DBT: variants seen among roughly 807,000 people sequenced by gnomAD.
DBT encodes the protein dihydrolipoamide branched chain transacylase E2, also known as lipoamide acyltransferase component of branched-chain alpha-keto acid dehydrogenase complex, mitochondrial.
A neutral mutation model predicts 51.3 loss-of-function variants in DBT; 40 were observed. That is an observed-to-expected ratio of 0.78 (90% CI 0.61 to 1.02). The LOEUF (loss-of-function observed/expected upper bound fraction) is 1.02. Among genes scored for constraint, DBT ranks in the 50% least tolerant of loss-of-function variants. The pLI, the probability that DBT is intolerant of heterozygous loss-of-function variation, is 0.00. For missense variants in DBT, 510 were observed against 580.2 expected (o/e 0.88, Z 1.24); for synonymous variants, 181 against 190.4 (o/e 0.95, Z 0.41).
intron 3 of DBT, among the ~76,000 whole-genome samples, chr1:100,233,765 T>C (rs560955921): frequency 6.6e-6 from 1 of 152,340 alleles, no homozygotes; most frequent in Admixed American, 6.5e-5. Context: ...ACTCACATTC[T>C]GTATTTGTCC....
intron 4 of DBT, among the ~76,000 whole-genome samples, chr1:100,226,632 C>A (rs1316807456): frequency 2.0e-5 from 3 of 152,044 alleles, no homozygotes; most frequent in Non-Finnish European, 2.9e-5. Context: ...TAGGAAGCAC[C>A]CCTAACGCCC....
intron 4 of DBT, among the ~76,000 whole-genome samples, chr1:100,227,234 C>T (rs1271832517): frequency 2.0e-5 from 3 of 152,152 alleles, no homozygotes; most frequent in African/African-American, 4.8e-5. Flanking sequence ...ACCATAACGT[C>T]GTTATGCGAC....
At chr1:100,242,490 T>C (rs1664282289) in intron 1 of DBT, among the ~76,000 whole-genome samples, 1 of 152,182 alleles carries the variant, frequency 6.6e-6, no homozygotes, top group African/African-American at 2.4e-5. Context: ...CTTAAATCAT[T>C]CATCTTAACT....
intron 4 of DBT, among the ~76,000 whole-genome samples, chr1:100,221,619 T>C (rs1662862594): frequency 6.6e-6 from 1 of 152,206 alleles, no homozygotes; most frequent in Non-Finnish European, 1.5e-5. Flanking sequence ...CATCACAGTC[T>C]AATATGTGAG....
In DBT at chr1:100,189,933, C is replaced by T. The variant is rs1356623034; in HGVS notation, c.*6322G>A. Reference sequence around the variant, plus strand: ...GTATGGTGCTATAAGCCACATGTAGCTATTTAAATTTAAATTTAATTAGTG... The same window carrying T: ...GTATGGTGCTATAAGCCACATGTAGTTATTTAAATTTAAATTTAATTAGTG... On this transcript the variant is annotated 3_prime_UTR_variant, in exon 11 of 11. Transcript: ENST00000370132. 1 of 151,860 alleles carries T rather than the reference C, an allele frequency of 6.6e-6. No individual in the cohort carries two copies. The highest frequency in any genetic ancestry group is 1.5e-5 in the Non-Finnish European group (1 of 68,010). 9.4% of individuals were successfully genotyped at this position (151,860 alleles called of 1,614,324 possible). A position where few individuals can be genotyped will look rare whatever the true frequency, so the allele number is the denominator to read the frequency against.
chr1:100,210,567 A>G (rs1662076388), intron 8 of DBT, 127 bp downstream of exon 8: 2 of 1,274,800 alleles, frequency 1.6e-6, no homozygotes, highest in Non-Finnish European at 1.1e-6. Flanking sequence ...TTAATGTTTT[A>G]CCCCATACCT....
In DBT at chr1:100,240,827, C is replaced by A; in HGVS notation, c.109G>T (p.Val37Leu). ...AATGAAGGATAACCAAAGAAACACA[C>A]ATAATTTGGCTTCAAAACATGAACA... is the stretch of plus-strand genomic sequence containing the variant. ...GNVHVLKPNY[V>L]CFFGYPSFKY... Residue 37 changes from valine to leucine, a missense_variant, in exon 2 of 11, where the codon GTG becomes TTG. By Grantham distance (32) the Val-to-Leu change is conservative. Transcript: ENST00000370132. 1.2e-6 allele frequency: 2 copies of A among 1,610,136 alleles called. No individual in the cohort carries two copies. Among genetic ancestry groups the A allele is most frequent in the South Asian group, 1.1e-5 (1 of 90,996 alleles).
In DBT at chr1:100,220,611, T is replaced by C. The variant is rs116782905; in HGVS notation, c.434-1864A>G. Reference sequence around the variant, plus strand: ...TGAGCATCTATTATGTGTCAAATACTGTCCTGCATATGCAGTATCTTACTT... The same window carrying C: ...TGAGCATCTATTATGTGTCAAATACCGTCCTGCATATGCAGTATCTTACTT... On this transcript the variant is annotated intron_variant, in intron 4 of 10. Coordinates refer to ENST00000370132, the MANE Select transcript of DBT (RefSeq NM_001918.5). 9.0e-3 allele frequency among the ~76,000 whole-genome samples: 1,371 copies of C among 152,358 alleles called. 28 individuals carry two copies. Among genetic ancestry groups the C allele is most frequent in the African/African-American group, 0.031 (1,279 of 41,582 alleles).
chr1:100,210,639 A>C, intron 8 of DBT, 55 bp downstream of exon 8: 3 of 1,609,660 alleles, frequency 1.9e-6, no homozygotes, highest in Non-Finnish European at 1.7e-6. Context: ...ATCTACAAGC[A>C]CATTTGCCCC....
At chr1:100,219,476 A>T (rs1662710262) in intron 4 of DBT, among the ~76,000 whole-genome samples, 2 of 152,236 alleles carry the variant, frequency 1.3e-5, no homozygotes, top group African/African-American at 4.8e-5. Context: ...ACAATGGCTC[A>T]TGCCTGTAAT....
chr1:100,235,828 T>C (rs1333143739), intron 2 of DBT, among the ~76,000 whole-genome samples: 2 of 152,322 alleles, frequency 1.3e-5, no homozygotes, highest in East Asian at 1.9e-4. Flanking sequence ...ATGTAATGAA[T>C]AGAAAATAGA....
chr1:100,242,509 C>A (rs1664282844), intron 1 of DBT, among the ~76,000 whole-genome samples: 1 of 152,096 alleles, frequency 6.6e-6, no homozygotes, highest in African/African-American at 2.4e-5. Context: ...CTTTAGAGAT[C>A]ACCCTAAATC....
At chr1:100,225,021 C>CAA (rs1663086502) in intron 4 of DBT, among the ~76,000 whole-genome samples, 1 of 17,132 alleles carries the variant, frequency 5.8e-5, no homozygotes, top group African/African-American at 1.9e-4. Context: ...CCGTCTCCCC[C>CAA]CAAAAAAAAA....
chr1:100,249,479 C>T (rs1664779503), intron 1 of DBT, among the ~76,000 whole-genome samples: 1 of 152,180 alleles, frequency 6.6e-6, no homozygotes, highest in East Asian at 1.9e-4. Context: ...ATCACAATGC[C>T]TGGGCACCTG....
At chr1:100,242,891 G>A (rs986345860) in intron 1 of DBT, among the ~76,000 whole-genome samples, 1 of 151,608 alleles carries the variant, frequency 6.6e-6, no homozygotes, top group African/African-American at 2.4e-5. Flanking sequence ...AACACAACTC[G>A]TATTGAACTA....
chr1:100,239,568 A>C (rs968489697), intron 2 of DBT, among the ~76,000 whole-genome samples: 1 of 151,704 alleles, frequency 6.6e-6, no homozygotes. Flanking sequence ...AAAAAAAAAG[A>C]AAGCAAAAGA....
At chr1:100,212,233 A>T (rs1222568832) in intron 7 of DBT, among the ~76,000 whole-genome samples, 1 of 152,196 alleles carries the variant, frequency 6.6e-6, no homozygotes, top group Non-Finnish European at 1.5e-5. Context: ...GGATTAGGTC[A>T]TTTGTTCCCC....
At chr1:100,249,719 C>A in intron 1 of DBT, 51 bp downstream of exon 1, 1 of 1,584,556 alleles carries the variant, frequency 6.3e-7, no homozygotes, top group South Asian at 1.1e-5. Flanking sequence ...TCCTGGATGA[C>A]TCCGGACAAA....
chr1:100,224,167 T>TC (rs746273850), intron 4 of DBT, among the ~76,000 whole-genome samples: 23 of 152,200 alleles, frequency 1.5e-4, no homozygotes, highest in Admixed American at 1.4e-3. Context: ...CTTCTACCCT[T>TC]CATGGCTCTA....
Sources: allele counts gnomAD v4.1 joint callset (sites outside exome capture counted in the v4.1 genomes callset), GRCh38; gene constraint gnomAD v4.1.1; transcripts MANE v1.5; gene names NCBI Gene and HGNC (gene_info 2026-07-23, HGNC 2026-07-21).